DSP: variants seen among roughly 807,000 people sequenced by gnomAD.
DSP encodes desmoplakin, also known as 250/210 kDa paraneoplastic pemphigus antigen.
DSP carries 114 observed loss-of-function variants against 290.6 expected under a neutral mutation model. The ratio of observed to expected loss-of-function variants is 0.39; its 90% confidence interval spans 0.34 to 0.46. DSP has a LOEUF of 0.46. Ranked by LOEUF, DSP falls within the 20% of genes least tolerant of loss-of-function variation. The pLI is 0.99. For missense variants in DSP, 3,230 were observed against 3,495.8 expected (o/e 0.92, Z 1.92); for synonymous variants, 1,311 against 1,316.4 (o/e 1.00, Z 0.09).
chr6:7,571,181 A>C (rs1384981130), intron 13 of DSP, among the ~76,000 whole-genome samples: 1 of 151,770 alleles, frequency 6.6e-6, no homozygotes, highest in Non-Finnish European at 1.5e-5. Context: ...GTAGGCAAAA[A>C]AAAAAAAAAA....
chr6:7,573,751 C>T (rs923390865), intron 15 of DSP, among the ~76,000 whole-genome samples: 11 of 151,828 alleles, frequency 7.2e-5, no homozygotes, highest in African/African-American at 2.7e-4. Flanking sequence ...TGGTGATTAC[C>T]GGGGTGGGGA....
intron 21 of DSP, 62 bp from the exon 22 acceptor site, chr6:7,578,402 A>T (rs1759313134): frequency 1.4e-6 from 2 of 1,429,770 alleles, no homozygotes; most frequent in African/African-American, 2.8e-5. Context: ...AATCGGTCAA[A>T]TTACATAGGA....
At position 7,559,396 on chromosome 6, in the gene DSP, A is replaced by C. The variant is rs1758609696; in HGVS notation, c.593A>C (p.Gln198Pro). ...TSECLGWMRQ[Q>P]RAEMDMVAWG... ...GAATGTTTGGGGTGGATGAGGCAGC[A>C]AAGGGTAAGCAGCTTCTTGAACAGC... Residue 198 changes from glutamine (Q) to proline (P), a missense_variant, in exon 4 of 24, where the codon CAA (glutamine) becomes CCA (proline). Physicochemically the swap from Gln to Pro is moderately conservative, Grantham distance 76. Transcript: ENST00000379802. The C allele has an allele frequency of 6.2e-7, 1 of 1,612,522 alleles. No individual in the cohort carries two copies. Among genetic ancestry groups the C allele is most frequent in the East Asian group, 2.2e-5 (1 of 44,874 alleles).
chr6:7,583,139 G>A lies in DSP; in HGVS notation c.5877G>A (p.Trp1959Ter), dbSNP rs201774541. ...SHRETQTECE[W>*]TVDTSKLVFD... ...GAGAGACCCAGACTGAGTGTGAGTG[G>A]ACCGTTGACACCTCCAAGCTGGTGT... Residue 1959 changes from tryptophan (W) to a stop codon, truncating the protein, a stop_gained, in exon 24 of 24, where the codon TGG becomes TGA. Coordinates refer to ENST00000379802, the MANE Select transcript of DSP (RefSeq NM_004415.4). LOFTEE classifies it high-confidence loss of function. The surrounding 1 kb of genome is among the most constrained non-coding windows in gnomAD (Gnocchi z 4.0). 1.2e-6 allele frequency: 2 copies of A among 1,614,070 alleles called. No individual in the cohort carries two copies. The highest frequency in any genetic ancestry group is 2.2e-5 in the East Asian group (1 of 44,876).
chr6:7,580,206 A>C lies in DSP; in HGVS notation c.4016A>C (p.Lys1339Thr). The C allele has an allele frequency of 6.2e-7, 1 of 1,614,120 alleles. No homozygotes were observed. Among genetic ancestry groups the C allele is most frequent in the Non-Finnish European group, 8.5e-7 (1 of 1,180,046 alleles). Reference sequence around the variant, plus strand: ...AAAGCTGAGTTTCAGGAGGAGGCCAAGCGCCGCTGGGAATATGAAAATGAA... The same window carrying C: ...AAAGCTGAGTTTCAGGAGGAGGCCACGCGCCGCTGGGAATATGAAAATGAA... ...RLKAEFQEEA[K>T]RRWEYENELS... Residue 1339 changes from lysine to threonine, a missense_variant, in exon 23 of 24, where the codon AAG (lysine) becomes ACG (threonine). Coordinates refer to ENST00000379802, the MANE Select transcript of DSP (RefSeq NM_004415.4). This position sits in a 1 kb window ranked among gnomAD's most constrained non-coding sequence, Gnocchi z 4.2.
intron 1 of DSP, among the ~76,000 whole-genome samples, chr6:7,548,087 T>C (rs1368562626): frequency 6.6e-6 from 1 of 151,924 alleles, no homozygotes; most frequent in Non-Finnish European, 1.5e-5. Context: ...GCCAATATGG[T>C]GAAACCCCGT....
Position 7,557,989 on chromosome 6 carries a change from T to A in DSP, c.274-127T>A, listed in dbSNP as rs1758551652. ...TGTTTACCTTCTTATCTCAATAAGA[T>A]CATTTTCACTGGCGAAACTTACAGT... On this transcript the variant is annotated intron_variant, in intron 2 of 23. Transcript: ENST00000379802. 3 of 1,173,300 alleles carry A rather than the reference T, an allele frequency of 2.6e-6. No individual in the cohort carries two copies. The South Asian group carries it at 3.8e-5, about 15-fold the overall frequency. The allele number at this position is 1,173,300 out of a possible 1,614,324, so 72.7% of individuals were successfully genotyped here. A position where few individuals can be genotyped will look rare whatever the true frequency, so the allele number is the denominator to read the frequency against.
Position 7,576,964 on chromosome 6 carries a change from G to C in DSP, c.2799G>C (p.Leu933Phe), listed in dbSNP as rs372922674. 1.1e-4 allele frequency: 170 copies of C among 1,612,978 alleles called. No homozygotes were observed. Among genetic ancestry groups the C allele is most frequent in the Non-Finnish European group, 1.3e-4 (159 of 1,179,452 alleles). ...ATATTTCACTTTTTGTATAGAACTT[G>C]CACAGTGAAATATCTGGCAAACGAG... ...VMRFLNEQKN[L>F]HSEISGKRDK... is the part of the protein sequence containing the mutation. Residue 933 changes from leucine to phenylalanine, a missense_variant, in exon 20 of 24, where the codon TTG becomes TTC. Leu to Phe is a conservative substitution (Grantham distance 22). Around this residue, in one of 5 missense-constraint regions of DSP, gnomAD observed 1,714 missense variants for 1,844.5 expected, o/e 0.93. Transcript: ENST00000379802.
At chr6:7,543,277 C>T (rs1221013604) in intron 1 of DSP, among the ~76,000 whole-genome samples, 1 of 152,098 alleles carries the variant, frequency 6.6e-6, no homozygotes, top group African/African-American at 2.4e-5. Context: ...CCTGAATGCG[C>T]TCCAGGGAGT....
Position 7,578,422 on chromosome 6 carries a change from T to A in DSP, c.2986-42T>A, listed in dbSNP as rs542626046. ...GTCAAATTACATAGGACTTTTTTTT[T>A]AATGCAATATCTTTTTCTTTCTTTC... On this transcript the variant is annotated intron_variant, in intron 21 of 23. Coordinates refer to ENST00000379802, the MANE Select transcript of DSP (RefSeq NM_004415.4). 6.3e-4 allele frequency: 967 copies of A among 1,542,722 alleles called. 20 individuals are homozygous for A. In the South Asian group the frequency reaches 0.01, roughly 17 times the overall value.
At position 7,580,201 on chromosome 6, in the gene DSP, G is replaced by A; in HGVS notation, c.4011G>A (p.Glu1337=). ...GACTCAAAGCTGAGTTTCAGGAGGA[G>A]GCCAAGCGCCGCTGGGAATATGAAA... ...IERLKAEFQE[E]AKRRWEYENE... Residue 1337 remains glutamate, a synonymous_variant, in exon 23 of 24, where the codon GAG becomes GAA. Transcript: ENST00000379802. The surrounding 1 kb of genome is among the most constrained non-coding windows in gnomAD (Gnocchi z 4.2). The A allele has an allele frequency of 6.2e-7, 1 of 1,614,016 alleles. No individual in the cohort carries two copies.
rs73375345 is a variant in DSP at position 7,567,912 on chromosome 6, G to A, written c.1266+6G>A. ...AACAGATCAAGGAGCTGGAGGTATC[G>A]TCTCAGACCCAGAACCTCAGCAGCT... On this transcript the variant is annotated splice_donor_region_variant and intron_variant, in intron 10 of 23. Transcript: ENST00000379802. 75 of 1,613,152 alleles carry A rather than the reference G, an allele frequency of 4.6e-5. No homozygotes were observed. The highest frequency in any genetic ancestry group is 1.3e-4 in the Admixed American group (8 of 59,966).
intron 1 of DSP, among the ~76,000 whole-genome samples, chr6:7,554,922 T>A (rs148675211): frequency 6.6e-6 from 1 of 152,220 alleles, no homozygotes; most frequent in African/African-American, 2.4e-5. Flanking sequence ...CCCAAAGCAC[T>A]GGGATTACAG....
rs544586109 is a variant in DSP, at chr6:7,570,027, A to G, written c.1575-410A>G. Among the ~76,000 whole-genome samples, 6 of 152,380 alleles carry G rather than the reference A, an allele frequency of 3.9e-5. No homozygotes were observed. In the East Asian group the frequency reaches 1.2e-3, roughly 29 times the overall value. On this transcript the variant is annotated intron_variant, in intron 12 of 23. Transcript: ENST00000379802. ...AGAACATTCGTTTAACAGGTTGTCC[A>G]TGGCAGATTCCTTTAAACCATTTAG...
intron 12 of DSP, among the ~76,000 whole-genome samples, chr6:7,570,105 T>A (rs1201377690): frequency 6.6e-6 from 1 of 152,178 alleles, no homozygotes; most frequent in Non-Finnish European, 1.5e-5. Context: ...AGTAAGCTGC[T>A]GTGTGCTCAT....
intron 1 of DSP, among the ~76,000 whole-genome samples, chr6:7,553,479 A>G (rs918048273): frequency 6.6e-6 from 1 of 152,240 alleles, no homozygotes; most frequent in African/African-American, 2.4e-5. Context: ...TGAAGAAAAT[A>G]AAGATAATTA....
In DSP at chr6:7,567,900, G is replaced by A; in HGVS notation, c.1260G>A (p.Glu420=). The change falls in exon 10 of 24, where the codon GAG becomes GAA. Residue 420 remains glutamate (E), a synonymous_variant. Coordinates refer to ENST00000379802, the MANE Select transcript of DSP (RefSeq NM_004415.4). The part of the protein sequence containing the change: ...PLQHLLEQIK[E]LEKEREKILE... ...AGCACCTGCTGGAACAGATCAAGGA[G>A]CTGGAGGTATCGTCTCAGACCCAGA... 6.2e-7 allele frequency: 1 copy of A among 1,613,754 alleles called. No homozygotes were observed. Among genetic ancestry groups the A allele is most frequent in the Non-Finnish European group, 8.5e-7 (1 of 1,179,882 alleles).
chr6:7,549,256 T>C (rs1758263231), intron 1 of DSP, among the ~76,000 whole-genome samples: 1 of 152,150 alleles, frequency 6.6e-6, no homozygotes, highest in Non-Finnish European at 1.5e-5. Context: ...TTCAAGCGAT[T>C]CTCCTGCTTC....
rs749943632 is a variant in DSP at position 7,582,449 on chromosome 6, A to T, written c.5380-193A>T. ...GTATGAAGCCATTTATTGAAGTGGC[A>T]ACATATACAGAATTTTTCCCACAAA... On this transcript the variant is annotated intron_variant, in intron 23 of 23. Coordinates refer to ENST00000379802, the MANE Select transcript of DSP (RefSeq NM_004415.4). The surrounding 1 kb of genome is among the most constrained non-coding windows in gnomAD (Gnocchi z 4.2). Among the ~76,000 whole-genome samples, 5 of 151,968 alleles carry T rather than the reference A, an allele frequency of 3.3e-5. No individual in the cohort carries two copies. Among genetic ancestry groups the T allele is most frequent in the Non-Finnish European group, 5.9e-5 (4 of 67,996 alleles).
Sources: gnomAD v4.1 joint callset for allele counts (sites outside exome capture counted in the v4.1 genomes callset) on GRCh38, gnomAD v4.1.1 for gene constraint, gnomAD v4.1.1 regional missense constraint, Gnocchi (gnomAD v3.1) non-coding constraint, MANE v1.5 for transcripts, NCBI Gene and HGNC (gene_info 2026-07-23, HGNC 2026-07-21) for gene names.